The following IMPA2 variants were observed in gnomAD, a reference collection of about 807,000 sequenced individuals.
IMPA2 encodes the protein inositol monophosphatase 2.
A neutral mutation model predicts 35.1 loss-of-function variants in IMPA2; 32 were observed. The observed-to-expected ratio is 0.91, with a 90% confidence interval of 0.69 to 1.23. The LOEUF is 1.23. Ranked by LOEUF, IMPA2 falls within the 50% of genes most tolerant of loss-of-function variation. The pLI is 0.00. For missense variants in IMPA2, 334 were observed against 387.6 expected, an observed-to-expected ratio of 0.86 and a Z score of 1.16; for synonymous variants, 135 against 160.6, an observed-to-expected ratio of 0.84 and a Z score of 1.20.
At chr18:12,007,270 C>G (rs1459025013) in intron 2 of IMPA2, among the ~76,000 whole-genome samples, 2 of 152,178 alleles carry the variant, frequency 1.3e-5, no homozygotes, top group African/African-American at 4.8e-5. Context: ...TAGCCGCTCA[C>G]CCACGTGACT....
At chr18:11,985,277 G>T (rs1480283326) in intron 1 of IMPA2, among the ~76,000 whole-genome samples, 1 of 151,434 alleles carries the variant, frequency 6.6e-6, no homozygotes, top group Non-Finnish European at 1.5e-5. Flanking sequence ...CAAATATCAC[G>T]AAATACACAA....
At chr18:11,996,408 G>A (rs1026958645) in intron 1 of IMPA2, among the ~76,000 whole-genome samples, 3 of 152,168 alleles carry the variant, frequency 2.0e-5, no homozygotes, top group Non-Finnish European at 4.4e-5. Context: ...CAGCTGCTGC[G>A]TAGAGGCTGC....
intron 2 of IMPA2, among the ~76,000 whole-genome samples, 174 bp downstream of exon 2, chr18:11,999,361 T>C (rs1907054929): frequency 6.6e-6 from 1 of 152,208 alleles, no homozygotes; most frequent in East Asian, 1.9e-4. Flanking sequence ...AACTCAGCCC[T>C]GTTTTCATTC....
intron 2 of IMPA2, among the ~76,000 whole-genome samples, chr18:12,005,114 A>G (rs893554449): frequency 2.0e-5 from 3 of 152,230 alleles, no homozygotes; most frequent in African/African-American, 7.2e-5. Context: ...CTGCAGCCAC[A>G]CAGTGCAGAA....
chr18:12,028,248 A>G (rs612599), intron 6 of IMPA2, 97 bp downstream of exon 6: 589,382 of 804,672 alleles, frequency 0.73, 217,890 homozygotes, highest in East Asian at 0.9. Context: ...AGGAAGCCTG[A>G]CGTGGAAAGA....
chr18:12,011,868 A>T (rs139057341), intron 3 of IMPA2, among the ~76,000 whole-genome samples: 6 of 152,360 alleles, frequency 3.9e-5, no homozygotes, highest in African/African-American at 1.4e-4. Flanking sequence ...GGTCTGGAGA[A>T]CCAGAAAACA....
chr18:11,999,323 C>T (rs548623085), intron 2 of IMPA2, 136 bp downstream of exon 2: 5 of 712,534 alleles, frequency 7.0e-6, no homozygotes, highest in South Asian at 6.7e-5. Context: ...GCAGCCTAAC[C>T]TGCGATTTGT....
At chr18:12,006,721 G>A (rs1239153150) in intron 2 of IMPA2, among the ~76,000 whole-genome samples, 1 of 152,180 alleles carries the variant, frequency 6.6e-6, no homozygotes, top group Non-Finnish European at 1.5e-5. Context: ...CAAAATGGAG[G>A]GGCTGGATGA....
Position 12,020,874 on chromosome 18 carries a change from A to T in IMPA2, c.490+6501A>T, listed in dbSNP as rs1907709720. Among the ~76,000 whole-genome samples the T allele has an allele frequency of 3.3e-5, 5 of 151,484 alleles. No individual in the cohort carries two copies. In the South Asian group the frequency reaches 1.0e-3, roughly 32 times the overall value. ...GGTTAGATTTCTTTTTTTTGGCAAA[A>T]TTCTTTTATTGGCATATACATGTTA... On this transcript the variant is annotated intron_variant, in intron 5 of 7. Transcript: ENST00000269159.
chr18:11,997,325 A>G (rs182250188), intron 1 of IMPA2, among the ~76,000 whole-genome samples: 42 of 152,220 alleles, frequency 2.8e-4, no homozygotes, highest in Admixed American at 1.0e-3. Context: ...GAACTAGGAA[A>G]CCCTGGCCAG....
chr18:11,991,488 C>T lies in IMPA2; in HGVS notation c.97-7566C>T, dbSNP rs1568027182. Among the ~76,000 whole-genome samples, 1 of 152,020 alleles carries T rather than the reference C, an allele frequency of 6.6e-6. No homozygotes were observed. The highest frequency in any genetic ancestry group is 2.4e-5 in the African/African-American group (1 of 41,374). On this transcript the variant is annotated intron_variant, in intron 1 of 7. Coordinates refer to ENST00000269159, the MANE Select transcript of IMPA2 (RefSeq NM_014214.3). This position sits in a 1 kb window ranked among gnomAD's most constrained non-coding sequence, Gnocchi z 4.1. ...GTGCCACATGACACCATGTGATAGG[C>T]GTGTTATTACCTGGGTACCCGATGA... is the stretch of plus-strand genomic sequence containing the variant.
At chr18:11,996,835 C>A (rs921726104) in intron 1 of IMPA2, among the ~76,000 whole-genome samples, 1 of 152,054 alleles carries the variant, frequency 6.6e-6, no homozygotes, top group African/African-American at 2.4e-5. Flanking sequence ...CACACACTCC[C>A]CACAACCCCA....
At chr18:12,015,126 G>C (rs560659165) in intron 5 of IMPA2, among the ~76,000 whole-genome samples, 2 of 152,318 alleles carry the variant, frequency 1.3e-5, no homozygotes, top group African/African-American at 2.4e-5. Context: ...CTGCATGGGA[G>C]ATTTTACAAG....
intron 2 of IMPA2, among the ~76,000 whole-genome samples, chr18:12,004,547 T>C (rs1378197442): frequency 2.0e-5 from 3 of 151,662 alleles, no homozygotes; most frequent in Non-Finnish European, 4.4e-5. Flanking sequence ...TTTTTTTTTT[T>C]TGAGATGGAG....
At chr18:12,025,575 A>G (rs1290712150) in intron 5 of IMPA2, among the ~76,000 whole-genome samples, 1 of 152,100 alleles carries the variant, frequency 6.6e-6, no homozygotes, top group Non-Finnish European at 1.5e-5. Context: ...AGATGTGTAG[A>G]GGTGTCTCGT....
At chr18:11,983,133 A>AT (rs1482249993) in intron 1 of IMPA2, among the ~76,000 whole-genome samples, 1 of 150,322 alleles carries the variant, frequency 6.7e-6, no homozygotes, top group Admixed American at 6.6e-5. Flanking sequence ...GAATGAATGA[A>AT]TTTAAGAGTG....
chr18:12,029,065 G>T, intron 7 of IMPA2, 72 bp downstream of exon 7: 2 of 1,225,522 alleles, frequency 1.6e-6, no homozygotes, highest in Non-Finnish European at 1.1e-6. Context: ...GGCACTTCCT[G>T]AAGTCCCCAC....
intron 5 of IMPA2, among the ~76,000 whole-genome samples, chr18:12,023,965 G>A (rs151052518): frequency 6.6e-5 from 10 of 152,234 alleles, no homozygotes; most frequent in East Asian, 3.9e-4. Flanking sequence ...TATGCACACC[G>A]TTTGATTCAG....
At chr18:12,012,509 G>A (rs573077904) in intron 4 of IMPA2, among the ~76,000 whole-genome samples, 7 of 152,340 alleles carry the variant, frequency 4.6e-5, no homozygotes, top group African/African-American at 1.7e-4. Flanking sequence ...TAAGTGAACG[G>A]TCCAAGTGCA....
Sources: allele counts gnomAD v4.1 joint callset (sites outside exome capture counted in the v4.1 genomes callset), GRCh38; gene constraint gnomAD v4.1.1; non-coding constraint Gnocchi (gnomAD v3.1); transcripts MANE v1.5; gene names NCBI Gene and HGNC (gene_info 2026-07-23, HGNC 2026-07-21).